RGS22: variants seen among roughly 807,000 people sequenced by gnomAD.
RGS22 encodes regulator of G protein signaling 22, also known as regulator of G-protein signaling 22.
RGS22 carries 148 observed loss-of-function variants against 172.9 expected under a neutral mutation model. The observed-to-expected ratio is 0.86, with a 90% CI of 0.75 to 0.98. The LOEUF (loss-of-function observed/expected upper bound fraction) is 0.98, where lower values mean the gene tolerates loss of function less well. Among genes scored for constraint, RGS22 ranks in the 50% least tolerant of loss-of-function variants. The pLI is 0.00. For synonymous variants in RGS22, 458 were observed against 480.2 expected (o/e 0.95, Z 0.60); for missense variants, 1,347 against 1,440.8 (o/e 0.93, Z 1.05).
chr8:99,963,116 A>G (rs1464066981), intron 24 of RGS22, 138 bp from the exon 25 acceptor site: 2 of 645,770 alleles, frequency 3.1e-6, no homozygotes, highest in Non-Finnish European at 4.9e-6. Flanking sequence ...GCACATCACA[A>G]GTTTATAATG....
rs142014437 is a variant in RGS22 at position 100,034,009 on chromosome 8, T to C, written c.2166+4922A>G. On this transcript the variant is annotated intron_variant, in intron 14 of 27. Transcript: ENST00000360863. ...TATGACAAACCCACAGCCAATATTA[T>C]ACTGTATGGGCAAAAACTGGAAGCA... 1.7e-3 allele frequency among the ~76,000 whole-genome samples: 266 copies of C among 152,270 alleles called. 3 individuals carry two copies. The highest frequency in any genetic ancestry group is 3.4e-3 in the Middle Eastern group (1 of 294).
intron 23 of RGS22, among the ~76,000 whole-genome samples, chr8:99,971,654 G>A (rs1264664063): frequency 1.3e-5 from 2 of 152,036 alleles, no homozygotes; most frequent in Non-Finnish European, 2.9e-5. Context: ...AAATACCTAG[G>A]AATACAACTT....
chr8:99,983,262 C>T (rs1738067356), intron 21 of RGS22, among the ~76,000 whole-genome samples: 1 of 152,182 alleles, frequency 6.6e-6, no homozygotes, highest in African/African-American at 2.4e-5. Context: ...CAGTGATGAA[C>T]ATATGTGTAC....
intron 3 of RGS22, among the ~76,000 whole-genome samples, chr8:100,083,830 CTT>C (rs59603032): frequency 0.31 from 39,640 of 126,280 alleles, 5,802 homozygotes; most frequent in Admixed American, 0.42. Flanking sequence ...AATTTCTTTT[CTT>C]TTTTTTTTTT....
At chr8:100,036,553 C>T (rs563916629) in intron 14 of RGS22, among the ~76,000 whole-genome samples, 85 of 152,292 alleles carry the variant, frequency 5.6e-4, no homozygotes, top group African/African-American at 1.5e-3. Context: ...TCCTAGCACA[C>T]GAATTGGCAG....
chr8:99,979,151 A>G (rs928507477), intron 22 of RGS22, among the ~76,000 whole-genome samples: 2 of 152,170 alleles, frequency 1.3e-5, no homozygotes, highest in Non-Finnish European at 1.5e-5. Context: ...CATTTAATTA[A>G]GTAATCCCCT....
chr8:100,105,740 G>A, intron 1 of RGS22, 157 bp downstream of exon 1: 2 of 625,042 alleles, frequency 3.2e-6, no homozygotes, highest in Non-Finnish European at 5.4e-6. Flanking sequence ...CGTGAAATTC[G>A]TCATAAAATC....
At chr8:100,089,245 A>G (rs1158734976) in intron 3 of RGS22, among the ~76,000 whole-genome samples, 1 of 150,868 alleles carries the variant, frequency 6.6e-6, no homozygotes, top group South Asian at 2.1e-4. Flanking sequence ...CGATATTCTC[A>G]TAAGATGATT....
At chr8:100,080,435 T>A (rs1053371178) in intron 3 of RGS22, 80 bp from the exon 4 acceptor site, 2 of 932,400 alleles carry the variant, frequency 2.1e-6, no homozygotes, top group Non-Finnish European at 3.2e-6. Flanking sequence ...GTGGTTTACA[T>A]ACATGCATGC....
chr8:100,071,567 A>G, intron 5 of RGS22, 30 bp from the exon 6 acceptor site: 1 of 1,569,668 alleles, frequency 6.4e-7, no homozygotes, highest in Non-Finnish European at 8.6e-7. Flanking sequence ...CAAATTTAAA[A>G]CAAGTTTCAA....
In RGS22 at chr8:99,998,163, T is replaced by C. The variant is rs1814594386; in HGVS notation, c.2949+1099A>G. Among the ~76,000 whole-genome samples, 3 of 152,192 alleles carry C rather than the reference T, an allele frequency of 2.0e-5. 1 individual carries two copies. The South Asian group carries it at 6.2e-4, about 31-fold the overall frequency. On this transcript the variant is annotated intron_variant, in intron 19 of 27. Transcript: ENST00000360863. ...CATTTGATATTGCAATGAATATCCT[T>C]GTATAACCTTGTCCACTTGTGTGAG...
chr8:100,088,181 TA>T (rs1812300524), intron 3 of RGS22, among the ~76,000 whole-genome samples: 2 of 151,992 alleles, frequency 1.3e-5, no homozygotes, highest in African/African-American at 4.8e-5. Context: ...TTACGGATTG[TA>T]AAAAGTGTGG....
At chr8:99,966,582 T>G in intron 23 of RGS22, among the ~76,000 whole-genome samples, 1 of 152,144 alleles carries the variant, frequency 6.6e-6, no homozygotes, top group Non-Finnish European at 1.5e-5. Flanking sequence ...AGCCAACAGA[T>G]GAGTAAAGAA....
intron 2 of RGS22, among the ~76,000 whole-genome samples, chr8:100,101,897 TAATA>T (rs1813524169): frequency 6.7e-6 from 1 of 149,900 alleles, no homozygotes; most frequent in Non-Finnish European, 1.5e-5. Flanking sequence ...TTAAATAAAA[TAATA>T]AAATATTTTT....
At chr8:100,035,111 T>C (rs867865642) in intron 14 of RGS22, among the ~76,000 whole-genome samples, 11 of 151,972 alleles carry the variant, frequency 7.2e-5, no homozygotes, top group Admixed American at 2.0e-4. Context: ...ACAAATGGGA[T>C]CTAATTAAAC....
chr8:100,081,289 C>A (rs1185812955), intron 3 of RGS22, among the ~76,000 whole-genome samples: 1 of 150,980 alleles, frequency 6.6e-6, no homozygotes, highest in Non-Finnish European at 1.5e-5. Flanking sequence ...ATACTATAGT[C>A]ATAATTTAAA....
At chr8:99,999,173 AG>A in intron 19 of RGS22, 88 bp downstream of exon 19, 2 of 1,131,548 alleles carry the variant, frequency 1.8e-6, no homozygotes, top group Admixed American at 2.8e-5. Flanking sequence ...AAAAAAAAAA[AG>A]GACAATGGCT....
At chr8:100,068,832 G>A (rs1341844154) in intron 6 of RGS22, among the ~76,000 whole-genome samples, 2 of 151,832 alleles carry the variant, frequency 1.3e-5, no homozygotes, top group East Asian at 3.9e-4. Flanking sequence ...TACTTGGGGG[G>A]CAGAGGCAGG....
At chr8:100,076,032 T>C (rs1019304385) in intron 4 of RGS22, among the ~76,000 whole-genome samples, 3 of 152,326 alleles carry the variant, frequency 2.0e-5, no homozygotes, top group Non-Finnish European at 4.4e-5. Flanking sequence ...TTTGGAGAAA[T>C]GTCTATTCTA....
Sources: gnomAD v4.1 joint callset for allele counts (sites outside exome capture counted in the v4.1 genomes callset) on GRCh38, gnomAD v4.1.1 for gene constraint, MANE v1.5 for transcripts, NCBI Gene and HGNC (gene_info 2026-07-23, HGNC 2026-07-21) for gene names.